ITGA9: variants seen among roughly 807,000 people sequenced by gnomAD.
The protein encoded by ITGA9 is integrin alpha-9.
ITGA9 carries 56 observed loss-of-function variants against 127.8 expected under a neutral mutation model. The observed-to-expected ratio is 0.44, with a 90% CI of 0.35 to 0.55. The LOEUF (loss-of-function observed/expected upper bound fraction) is 0.55, where lower values mean the gene tolerates loss of function less well. ITGA9 is among the 20% of genes least tolerant of loss of function. The probability of loss-of-function intolerance (pLI) is 0.00; values close to 1 mark genes in which losing one functional copy is unlikely to be tolerated. For missense variants in ITGA9, 1,196 were observed against 1,347.1 expected (o/e 0.89, Z 1.76); for synonymous variants, 508 against 514.5 (o/e 0.99, Z 0.17).
chr3:37,634,773 G>A (rs967588811), intron 16 of ITGA9, among the ~76,000 whole-genome samples: 2 of 152,110 alleles, frequency 1.3e-5, no homozygotes, highest in Non-Finnish European at 2.9e-5. Context: ...ATACACAACA[G>A]TCCATCCAAC....
At chr3:37,516,507 T>C (rs542691133) in intron 9 of ITGA9, among the ~76,000 whole-genome samples, 2 of 152,316 alleles carry the variant, frequency 1.3e-5, no homozygotes, top group East Asian at 3.9e-4. Context: ...ACCTGGTACA[T>C]AGGAGCAATC....
At chr3:37,607,875 G>T (rs560349647) in intron 15 of ITGA9, among the ~76,000 whole-genome samples, 2 of 152,266 alleles carry the variant, frequency 1.3e-5, no homozygotes, top group Middle Eastern at 3.4e-3. Flanking sequence ...AGGACCGAAG[G>T]TTCTTCTTTA....
intron 18 of ITGA9, among the ~76,000 whole-genome samples, chr3:37,714,816 G>A (rs979332014): frequency 5.9e-5 from 9 of 152,136 alleles, no homozygotes; most frequent in African/African-American, 9.7e-5. Flanking sequence ...ACTGTGCTAC[G>A]GGCAGGTTAT....
Position 37,597,358 on chromosome 3 carries a change from G to C in ITGA9, c.1690-31829G>C, listed in dbSNP as rs1281237542. Among the ~76,000 whole-genome samples, 4 of 152,222 alleles carry C rather than the reference G, an allele frequency of 2.6e-5. No individual in the cohort carries two copies. The East Asian group carries it at 7.7e-4, about 29-fold the overall frequency. Reference sequence around the variant, plus strand: ...GTGCAATCAGTATTGCATTTCAGCAGATCAGCCAAGCTGCAGGATAGGTGA... The same window carrying C: ...GTGCAATCAGTATTGCATTTCAGCACATCAGCCAAGCTGCAGGATAGGTGA... On this transcript the variant is annotated intron_variant, in intron 15 of 27. Transcript: ENST00000264741. This position sits in a 1 kb window ranked among gnomAD's most constrained non-coding sequence, Gnocchi z 4.6.
intron 17 of ITGA9, among the ~76,000 whole-genome samples, chr3:37,658,820 G>A (rs909061677): frequency 6.6e-6 from 1 of 152,170 alleles, no homozygotes; most frequent in South Asian, 2.1e-4. Context: ...GCAGTGGCTG[G>A]TACTGGTTTT....
At position 37,522,696 on chromosome 3, in the gene ITGA9, C is replaced by G. The variant is rs1220136199; in HGVS notation, c.1237-825C>G. On this transcript the variant is annotated intron_variant, in intron 11 of 27. Coordinates refer to ENST00000264741, the MANE Select transcript of ITGA9 (RefSeq NM_002207.3). Reference sequence around the variant, plus strand: ...TATGATTGTGCCATTGCATTCTAGCCTGGGCAACAGAGCAAGACTCTATCT... The same window carrying G: ...TATGATTGTGCCATTGCATTCTAGCGTGGGCAACAGAGCAAGACTCTATCT... 2.0e-5 allele frequency among the ~76,000 whole-genome samples: 3 copies of G among 150,844 alleles called. No individual in the cohort carries two copies. In the East Asian group the frequency reaches 5.8e-4, roughly 29 times the overall value.
At chr3:37,591,552 G>A (rs1414983415) in intron 15 of ITGA9, among the ~76,000 whole-genome samples, 1 of 152,148 alleles carries the variant, frequency 6.6e-6, no homozygotes, top group Non-Finnish European at 1.5e-5. Context: ...AGATTTCTCT[G>A]GGGGGTTGGA....
rs554449757 is a variant in ITGA9, at chr3:37,519,325, G to A, written c.1207G>A (p.Ala403Thr). The change falls in exon 11 of 28, where the codon GCC becomes ACC. Residue 403 changes from alanine (A) to threonine (T), a missense_variant. Physicochemically the swap from Ala to Thr is moderately conservative, Grantham distance 58. Transcript: ENST00000264741. ...GGCGGTCTATATCTATCATGGTGAT[G>A]CCGGTGGGATAGTCCCTCAGTACTC... Reference protein sequence around the residue: ...AGAVYIYHGDAGGIVPQYSMK... With the variant: ...AGAVYIYHGDTGGIVPQYSMK... The A allele has an allele frequency of 1.2e-4, 190 of 1,613,996 alleles. No individual in the cohort carries two copies. Among genetic ancestry groups the A allele is most frequent in the Non-Finnish European group, 1.6e-4 (186 of 1,179,968 alleles).
rs555318081 is a variant in ITGA9 at position 37,710,290 on chromosome 3, C to T, written c.2068-22422C>T. ...GTAGCAGAGCTGAGATTGGAACCCT[C>T]GTCCGTCTAATGGCAATGCTTCCTC... On this transcript the variant is annotated intron_variant, in intron 18 of 27. Coordinates refer to ENST00000264741, the MANE Select transcript of ITGA9 (RefSeq NM_002207.3). Among the ~76,000 whole-genome samples the T allele has an allele frequency of 8.6e-5, 13 of 152,034 alleles. No individual in the cohort carries two copies. The South Asian group carries it at 1.7e-3, about 20-fold the overall frequency.
chr3:37,805,467 G>A (rs764559116), intron 27 of ITGA9, among the ~76,000 whole-genome samples: 2 of 152,114 alleles, frequency 1.3e-5, no homozygotes, highest in African/African-American at 2.4e-5. Context: ...GCTGTAGAGT[G>A]TCTGCAGTCT....
intron 17 of ITGA9, among the ~76,000 whole-genome samples, chr3:37,668,278 G>A (rs551206101): frequency 4.6e-5 from 7 of 152,270 alleles, no homozygotes; most frequent in South Asian, 2.1e-4. Flanking sequence ...TGCTCATAGC[G>A]GCCTTCCTCC....
In ITGA9 at chr3:37,818,988, G is replaced by A. The variant is rs1697477718; in HGVS notation, c.3107G>A (p.Ter1036=). Residue 1036 remains the stop codon, a stop_retained_variant, in exon 28 of 28, where the codon TGA becomes TAA. Coordinates refer to ENST00000264741, the MANE Select transcript of ITGA9 (RefSeq NM_002207.3). The part of the protein sequence containing the change: ...DSWDWVQKNQ[*] The stretch of plus-strand genomic sequence containing the variant: ...TGGGACTGGGTCCAGAAAAACCAGT[G>A]AGCTGCCACACCAGTCACATGACCT... 6.2e-7 allele frequency: 1 copy of A among 1,600,592 alleles called. No individual in the cohort carries two copies. The highest frequency in any genetic ancestry group is 8.6e-7 in the Non-Finnish European group (1 of 1,167,886).
Position 37,507,496 on chromosome 3 carries a change from T to G in ITGA9, c.829-1063T>G, listed in dbSNP as rs569928988. Among the ~76,000 whole-genome samples, 3 of 152,286 alleles carry G rather than the reference T, an allele frequency of 2.0e-5. 1 individual carries two copies. Among genetic ancestry groups the G allele is most frequent in the African/African-American group, 7.2e-5 (3 of 41,550 alleles). On this transcript the variant is annotated intron_variant, in intron 7 of 27. Coordinates refer to ENST00000264741, the MANE Select transcript of ITGA9 (RefSeq NM_002207.3). ...TCATAGTCCCTGTCAAGTCTTAAGATGACCCCTCCGCAAACCCCTCTCACT... is the reference window on the plus strand; with the variant it reads ...TCATAGTCCCTGTCAAGTCTTAAGAGGACCCCTCCGCAAACCCCTCTCACT...
chr3:37,595,017 G>A (rs961412284), intron 15 of ITGA9, among the ~76,000 whole-genome samples: 10 of 152,110 alleles, frequency 6.6e-5, no homozygotes, highest in African/African-American at 2.4e-4. Context: ...GATAATTTCT[G>A]GTTCTCCCTA....
chr3:37,778,726 G>GT (rs1268961957), intron 24 of ITGA9, among the ~76,000 whole-genome samples: 3 of 132,348 alleles, frequency 2.3e-5, no homozygotes, highest in Non-Finnish European at 3.2e-5. Context: ...GAATGACAAT[G>GT]CTTTCCAAAG....
rs1700211196 is a variant in ITGA9, at chr3:37,629,665, G to A, written c.1839+329G>A. On this transcript the variant is annotated intron_variant, in intron 16 of 27. Coordinates refer to ENST00000264741, the MANE Select transcript of ITGA9 (RefSeq NM_002207.3). This position sits in a 1 kb window ranked among gnomAD's most constrained non-coding sequence, Gnocchi z 4.5. ...ACTGTTTTCAGAGCTTAGATTGGTG[G>A]ATAGTAGGTGCTTAATGAATGTTTT... is the stretch of plus-strand genomic sequence containing the variant. The A allele has an allele frequency of 4.0e-5, 23 of 580,106 alleles. No homozygotes were observed. In the South Asian group the frequency reaches 4.7e-4, roughly 12 times the overall value. The allele number at this position is 580,106 out of a possible 1,614,324, so 35.9% of individuals were successfully genotyped here.
chr3:37,502,821 T>G (rs977337876), intron 5 of ITGA9, among the ~76,000 whole-genome samples: 2 of 152,160 alleles, frequency 1.3e-5, no homozygotes, highest in Non-Finnish European at 2.9e-5. Context: ...ATGAGTGGTG[T>G]TCCCCAGAAT....
chr3:37,693,805 C>T (rs1048699113), intron 18 of ITGA9, among the ~76,000 whole-genome samples: 2 of 152,200 alleles, frequency 1.3e-5, no homozygotes, highest in Non-Finnish European at 2.9e-5. Flanking sequence ...AGTGCTGGGA[C>T]AGATTACAGC....
intron 15 of ITGA9, among the ~76,000 whole-genome samples, chr3:37,619,283 T>C (rs967743604): frequency 6.6e-6 from 1 of 152,206 alleles, no homozygotes; most frequent in Non-Finnish European, 1.5e-5. Flanking sequence ...TATCCAGCTC[T>C]TCTCACCTCT....
Sources: gnomAD v4.1 joint callset for allele counts (sites outside exome capture counted in the v4.1 genomes callset) on GRCh38, gnomAD v4.1.1 for gene constraint, Gnocchi (gnomAD v3.1) non-coding constraint, MANE v1.5 for transcripts, NCBI Gene and HGNC (gene_info 2026-07-23, HGNC 2026-07-21) for gene names.